The following ANO5 variants were observed in gnomAD, a reference collection of about 807,000 sequenced individuals.
ANO5 encodes the protein anoctamin-5.
In ANO5, 109 loss-of-function variants were observed where a neutral mutation model predicts 121.0. That is an observed-to-expected ratio of 0.90 (90% CI 0.77 to 1.06). The LOEUF is 1.06. ANO5 is among the 50% of genes least tolerant of loss of function. The pLI, the probability that ANO5 is intolerant of heterozygous loss-of-function variation, is 0.00. For synonymous variants in ANO5, 406 were observed against 359.9 expected, an observed-to-expected ratio of 1.13 and a Z score of -1.45; for missense variants, 1,064 against 1,078.5, an observed-to-expected ratio of 0.99 and a Z score of 0.19.
At position 22,250,226 on chromosome 11, in the gene ANO5, CTT is replaced by C. The variant is rs143977836; in HGVS notation, c.879-7_879-6del. 342 of 1,567,418 alleles carry C rather than the reference CTT, an allele frequency of 2.2e-4. No homozygotes were observed. The African/African-American group carries it at 3.9e-3, about 18-fold the overall frequency. On this transcript the variant is annotated splice_polypyrimidine_tract_variant and intron_variant, in intron 9 of 21. Coordinates refer to ENST00000324559, the MANE Select transcript of ANO5 (RefSeq NM_213599.3). ...TCCATATTCTGATTCTGTTTTTACT[CTT>C]TTTCACAGGAATTATTATGGAGAAA...
rs564459814 is a variant in ANO5, at chr11:22,227,764, C to T, written c.648+178C>T. ...TTAGACCACATAAACGTATTACTCTCCCTAACTCTCAAACTGTTGTTTAAA... is the reference window on the plus strand; with the variant it reads ...TTAGACCACATAAACGTATTACTCTTCCTAACTCTCAAACTGTTGTTTAAA... On this transcript the variant is annotated intron_variant, in intron 7 of 21. Transcript: ENST00000324559. Among the ~76,000 whole-genome samples, 182 of 152,190 alleles carry T rather than the reference C, an allele frequency of 1.2e-3. 3 individuals carry two copies. In the Middle Eastern group the frequency reaches 0.014, roughly 11 times the overall value.
At position 22,274,697 on chromosome 11, in the gene ANO5, T is replaced by C; in HGVS notation, c.2364T>C (p.Asp788=). ...NNSLSVFLIA[D]FPNHTAPSEK... is the part of the protein sequence containing the mutation. ...GCCTGTCAGTATTCCTGATAGCTGATTTTCCAAACCACACTGCACCTTCGG... is the reference window on the plus strand; with the variant it reads ...GCCTGTCAGTATTCCTGATAGCTGACTTTCCAAACCACACTGCACCTTCGG... The change falls in exon 20 of 22, where the codon GAT becomes GAC. Residue 788 remains aspartate (D), a synonymous_variant. Transcript: ENST00000324559. 1 of 1,613,630 alleles carries C rather than the reference T, an allele frequency of 6.2e-7. No homozygotes were observed. The highest frequency in any genetic ancestry group is 8.5e-7 in the Non-Finnish European group (1 of 1,179,654).
chr11:22,269,154 A>AAAGGG lies in ANO5; in HGVS notation c.1899-1151_1899-1147dup, dbSNP rs201714799. On this transcript the variant is annotated intron_variant, in intron 17 of 21. Transcript: ENST00000324559. ...AGGAAAGGAAGGGAGAAAGGAAAGG[A>AAAGGG]AAGGGAAGGGATGGGAAGGGAAGAG... Among the ~76,000 whole-genome samples, 2,000 of 145,788 alleles carry AAAGGG rather than the reference A, an allele frequency of 0.014. 131 individuals carry two copies. In the East Asian group the frequency reaches 0.19, roughly 14 times the overall value.
chr11:22,203,055 C>A (rs947214836), intron 1 of ANO5, among the ~76,000 whole-genome samples: 1 of 152,054 alleles, frequency 6.6e-6, no homozygotes, highest in South Asian at 2.1e-4. Flanking sequence ...TTGTTCTGGG[C>A]TCTCTGTTCA....
intron 15 of ANO5, chr11:22,261,269 A>C (rs1314512009): frequency 6.6e-6 from 1 of 152,352 alleles, no homozygotes; most frequent in Non-Finnish European, 1.5e-5. Flanking sequence ...GGCCTCAGGA[A>C]ACTTAACAAT....
chr11:22,210,398 C>T (rs570125183), intron 2 of ANO5, among the ~76,000 whole-genome samples: 1 of 151,910 alleles, frequency 6.6e-6, no homozygotes, highest in East Asian at 1.9e-4. Flanking sequence ...GTAAATATGT[C>T]TGTTACACAT....
At chr11:22,250,710 C>G in intron 10 of ANO5, 31 bp from the exon 11 acceptor site, 1 of 1,594,694 alleles carries the variant, frequency 6.3e-7, no homozygotes, top group Non-Finnish European at 8.6e-7. Context: ...ACACCTATCA[C>G]TGTTCAATAA....
At chr11:22,233,400 T>TA (rs1221348562) in intron 7 of ANO5, among the ~76,000 whole-genome samples, 1 of 151,934 alleles carries the variant, frequency 6.6e-6, no homozygotes, top group Non-Finnish European at 1.5e-5. Flanking sequence ...AAACAGAATT[T>TA]AAAAAATATA....
At chr11:22,217,291 A>G (rs1852476249) in intron 3 of ANO5, among the ~76,000 whole-genome samples, 1 of 151,992 alleles carries the variant, frequency 6.6e-6, no homozygotes, top group South Asian at 2.1e-4. Context: ...GTTTTCTTTC[A>G]AATATAGTTG....
chr11:22,213,649 G>T (rs766911228), intron 3 of ANO5, among the ~76,000 whole-genome samples: 7 of 150,328 alleles, frequency 4.7e-5, no homozygotes, highest in Non-Finnish European at 1.0e-4. Flanking sequence ...TTTCCATACT[G>T]CAATCTTCAG....
At chr11:22,208,537 T>C (rs940410185) in intron 2 of ANO5, among the ~76,000 whole-genome samples, 2 of 151,776 alleles carry the variant, frequency 1.3e-5, no homozygotes, top group African/African-American at 4.8e-5. Flanking sequence ...GGAAGGAAAA[T>C]GGACATAAAT....
chr11:22,202,497 AT>A (rs987114381), intron 1 of ANO5, among the ~76,000 whole-genome samples: 10 of 151,930 alleles, frequency 6.6e-5, no homozygotes, highest in African/African-American at 2.4e-4. Context: ...TTATTTTATT[AT>A]TTTTTACTTA....
chr11:22,225,928 T>G, intron 5 of ANO5, 56 bp from the exon 6 acceptor site: 1 of 1,368,562 alleles, frequency 7.3e-7, no homozygotes, highest in Non-Finnish European at 1.0e-6. Flanking sequence ...CTGTCAATAC[T>G]GAGCAAATAA....
At chr11:22,279,481 G>C (rs1854992449) in intron 21 of ANO5, 63 bp from the exon 22 acceptor site, 1 of 1,377,106 alleles carries the variant, frequency 7.3e-7, no homozygotes, top group East Asian at 2.3e-5. Context: ...GATTTGTAAA[G>C]ACTTTCTGCT....
chr11:22,278,380 T>C (rs972708957), intron 21 of ANO5, among the ~76,000 whole-genome samples: 36 of 151,888 alleles, frequency 2.4e-4, no homozygotes, highest in South Asian at 1.2e-3. Context: ...TTTTCTTTCT[T>C]TGTGCTGTCT....
chr11:22,250,591 A>C (rs1276783380), intron 10 of ANO5, 150 bp from the exon 11 acceptor site: 7 of 1,020,832 alleles, frequency 6.9e-6, no homozygotes, highest in Non-Finnish European at 1.5e-6. Context: ...TACTCCTCAA[A>C]GCATGACTTG....
chr11:22,254,775 G>A (rs1238575592), intron 12 of ANO5, among the ~76,000 whole-genome samples: 1 of 151,856 alleles, frequency 6.6e-6, no homozygotes, highest in Non-Finnish European at 1.5e-5. Context: ...ATTGAAAGTT[G>A]ATAATTCCAG....
At chr11:22,268,315 T>C (rs1373817849) in intron 17 of ANO5, among the ~76,000 whole-genome samples, 1 of 152,124 alleles carries the variant, frequency 6.6e-6, no homozygotes, top group Non-Finnish European at 1.5e-5. Flanking sequence ...CTCGTCAACA[T>C]TTAAATTGGA....
In ANO5 at chr11:22,223,127, G is replaced by T. The variant is rs113999986; in HGVS notation, c.294+1917G>T. Among the ~76,000 whole-genome samples, 669 of 152,080 alleles carry T rather than the reference G, an allele frequency of 4.4e-3. 3 individuals carry two copies. Among genetic ancestry groups the T allele is most frequent in the African/African-American group, 0.015 (631 of 41,508 alleles). On this transcript the variant is annotated intron_variant, in intron 5 of 21. Coordinates refer to ENST00000324559, the MANE Select transcript of ANO5 (RefSeq NM_213599.3). ...AAGCCAACTGCTCCACTTGTGCCCT[G>T]CATTCTCTTTCTTCTTGCCTACTAT...
Sources: allele counts gnomAD v4.1 joint callset (sites outside exome capture counted in the v4.1 genomes callset), GRCh38; gene constraint gnomAD v4.1.1; transcripts MANE v1.5; gene names NCBI Gene and HGNC (gene_info 2026-07-23, HGNC 2026-07-21).